The following MCTP2 variants were observed in gnomAD, a reference collection of about 807,000 sequenced individuals.
MCTP2 encodes the protein multiple C2 and transmembrane domain-containing protein 2.
In MCTP2, 132 loss-of-function variants were observed where a neutral mutation model predicts 111.6. The ratio of observed to expected loss-of-function variants is 1.18; its 90% CI spans 1.03 to 1.37. The LOEUF is 1.37. Ranked by LOEUF, MCTP2 falls within the 40% of genes most tolerant of loss-of-function variation. MCTP2 has a pLI of 0.00. For missense variants in MCTP2, 1,183 were observed against 1,067.9 expected (o/e 1.11, Z -1.50); for synonymous variants, 395 against 387.7 (o/e 1.02, Z -0.22).
At chr15:94,470,019 A>G (rs887415865) in intron 20 of MCTP2, among the ~76,000 whole-genome samples, 1 of 152,216 alleles carries the variant, frequency 6.6e-6, no homozygotes, top group Admixed American at 6.5e-5. Context: ...ATGCATAGCC[A>G]TCGTGGCAAC....
intron 14 of MCTP2, among the ~76,000 whole-genome samples, chr15:94,385,895 C>T (rs1444888732): frequency 6.6e-6 from 1 of 152,192 alleles, no homozygotes; most frequent in Non-Finnish European, 1.5e-5. Context: ...TAGCTCCTTA[C>T]TGTACATTTC....
chr15:94,274,618 A>G (rs780152326), intron 1 of MCTP2, among the ~76,000 whole-genome samples: 1 of 152,160 alleles, frequency 6.6e-6, no homozygotes, highest in East Asian at 1.9e-4. Flanking sequence ...ATACTTTAAC[A>G]TGGACAAACT....
At chr15:94,465,856 C>G (rs8037106) in intron 20 of MCTP2, among the ~76,000 whole-genome samples, 4 of 135,686 alleles carry the variant, frequency 2.9e-5, no homozygotes, top group Admixed American at 2.2e-4. Flanking sequence ...GAGTTAACAG[C>G]GTTATGTGCC....
intron 12 of MCTP2, among the ~76,000 whole-genome samples, chr15:94,376,221 G>T (rs1419953746): frequency 6.6e-6 from 1 of 152,170 alleles, no homozygotes; most frequent in Non-Finnish European, 1.5e-5. Flanking sequence ...ACACAGATTT[G>T]AGCCGTAACT....
At chr15:94,432,185 G>T (rs892613500) in intron 17 of MCTP2, among the ~76,000 whole-genome samples, 4 of 152,102 alleles carry the variant, frequency 2.6e-5, no homozygotes, top group Non-Finnish European at 2.9e-5. Flanking sequence ...GGAGAGTTTG[G>T]GTTGGTGGCA....
chr15:94,264,404 C>T (rs891887038), intron 1 of MCTP2, among the ~76,000 whole-genome samples: 4 of 152,078 alleles, frequency 2.6e-5, no homozygotes, highest in Non-Finnish European at 2.9e-5. Context: ...GTCAGGAGAT[C>T]GAGACCATCC....
intron 4 of MCTP2, among the ~76,000 whole-genome samples, chr15:94,330,728 G>T (rs1411836754): frequency 1.3e-5 from 2 of 151,558 alleles, no homozygotes; most frequent in African/African-American, 4.9e-5. Context: ...AGGCATATGG[G>T]AGTGTTTGTT....
chr15:94,466,476 C>A (rs2073316164), intron 20 of MCTP2, among the ~76,000 whole-genome samples: 1 of 152,132 alleles, frequency 6.6e-6, no homozygotes, highest in Non-Finnish European at 1.5e-5. Flanking sequence ...GTAGCATAAA[C>A]TGAAATGATA....
intron 17 of MCTP2, among the ~76,000 whole-genome samples, chr15:94,421,094 A>AT (rs776113477): frequency 0.13 from 18,174 of 143,058 alleles, 1,332 homozygotes; most frequent in African/African-American, 0.21. Flanking sequence ...GGATGATAGT[A>AT]TTTTTTTTTT....
At chr15:94,305,493 A>G (rs2075837716) in intron 2 of MCTP2, among the ~76,000 whole-genome samples, 1 of 152,082 alleles carries the variant, frequency 6.6e-6, no homozygotes, top group African/African-American at 2.4e-5. Context: ...GGATATATAT[A>G]TATATGTATG....
At chr15:94,359,537 T>A (rs1050036850) in intron 10 of MCTP2, among the ~76,000 whole-genome samples, 8 of 152,276 alleles carry the variant, frequency 5.3e-5, no homozygotes, top group African/African-American at 1.9e-4. Flanking sequence ...AGGTCACCCC[T>A]TGAGGAATGG....
At chr15:94,337,601 G>A (rs977037009) in intron 4 of MCTP2, among the ~76,000 whole-genome samples, 2 of 151,624 alleles carry the variant, frequency 1.3e-5, no homozygotes, top group Admixed American at 6.6e-5. Flanking sequence ...TCACTAGTGA[G>A]CATTTCACTG....
In MCTP2 at chr15:94,483,104, G is replaced by A. The variant is rs1226376670; in HGVS notation, c.*4070G>A. The A allele has an allele frequency of 6.6e-6, 1 of 152,188 alleles. No homozygotes were observed. The highest frequency in any genetic ancestry group is 1.5e-5 in the Non-Finnish European group (1 of 68,038). The allele number at this position is 152,188 out of a possible 1,614,324, so 9.4% of individuals were successfully genotyped here. A position where few individuals can be genotyped will look rare whatever the true frequency, so the allele number is the denominator to read the frequency against. On this transcript the variant is annotated 3_prime_UTR_variant, in exon 23 of 23. Coordinates refer to ENST00000357742, the MANE Select transcript of MCTP2 (RefSeq NM_001385001.1). ...GAGAGGGCTGGAATTTGGAATGAAAGGAGATATTTGGGATTATTTTAGTAA... is the reference window on the plus strand; with the variant it reads ...GAGAGGGCTGGAATTTGGAATGAAAAGAGATATTTGGGATTATTTTAGTAA...
At chr15:94,242,212 C>G (rs1289042274) in intron 1 of MCTP2, among the ~76,000 whole-genome samples, 2 of 152,124 alleles carry the variant, frequency 1.3e-5, no homozygotes, top group African/African-American at 4.8e-5. Context: ...CAAACCCCAG[C>G]TCAACTATCA....
intron 14 of MCTP2, among the ~76,000 whole-genome samples, chr15:94,397,815 A>C (rs2081356403): frequency 6.6e-6 from 1 of 152,144 alleles, no homozygotes; most frequent in East Asian, 1.9e-4. Context: ...ATGCTGTTAG[A>C]TTTCCTATGC....
At chr15:94,442,389 C>T (rs1271728603) in intron 18 of MCTP2, among the ~76,000 whole-genome samples, 1 of 152,162 alleles carries the variant, frequency 6.6e-6, no homozygotes. Flanking sequence ...AGTTTCCTTC[C>T]CTCACCTGCC....
At position 94,457,764 on chromosome 15, in the gene MCTP2, A is replaced by G. The variant is rs2084927729; in HGVS notation, c.2251-373A>G. Among the ~76,000 whole-genome samples, 5 of 152,294 alleles carry G rather than the reference A, an allele frequency of 3.3e-5. No homozygotes were observed. The South Asian group carries it at 8.3e-4, about 25-fold the overall frequency. On this transcript the variant is annotated intron_variant, in intron 19 of 22. Transcript: ENST00000357742. ...CTCTGAAGAACACTGATAGGAGAGG[A>G]GTAGGGTGAGCTTCAGAAAACCTGT...
At chr15:94,316,703 C>G (rs1287260082) in intron 4 of MCTP2, among the ~76,000 whole-genome samples, 1 of 152,120 alleles carries the variant, frequency 6.6e-6, no homozygotes, top group Admixed American at 6.5e-5. Flanking sequence ...TGTTGCTTAT[C>G]CTTAATTGTA....
intron 4 of MCTP2, among the ~76,000 whole-genome samples, chr15:94,329,258 G>C (rs2077029160): frequency 6.6e-6 from 1 of 152,076 alleles, no homozygotes; most frequent in Non-Finnish European, 1.5e-5. Context: ...GCTCAGCTCT[G>C]AACTTTCTAA....
Sources: allele counts gnomAD v4.1 joint callset (sites outside exome capture counted in the v4.1 genomes callset), GRCh38; gene constraint gnomAD v4.1.1; transcripts MANE v1.5; gene names NCBI Gene and HGNC (gene_info 2026-07-23, HGNC 2026-07-21).